CALN1: variants seen among roughly 807,000 people sequenced by gnomAD.
CALN1 encodes calneuron 1, also known as calcium-binding protein 8.
CALN1 carries 17 observed loss-of-function variants against 30.6 expected under a neutral mutation model. That is an observed-to-expected ratio of 0.56 (90% confidence interval 0.38 to 0.83). The LOEUF (loss-of-function observed/expected upper bound fraction) is 0.83. CALN1 is among the 40% of genes least tolerant of loss of function. The pLI is 0.00. For synonymous variants in CALN1, 156 were observed against 131.4 expected, an observed-to-expected ratio of 1.19 and a Z score of -1.28; for missense variants, 291 against 354.9, an observed-to-expected ratio of 0.82 and a Z score of 1.45.
intron 2 of CALN1, among the ~76,000 whole-genome samples, chr7:72,391,507 G>A (rs1196624353): frequency 6.6e-6 from 1 of 152,080 alleles, no homozygotes; most frequent in East Asian, 1.9e-4. Context: ...TTTAAAATAT[G>A]GCCCCTGATA....
intron 5 of CALN1, among the ~76,000 whole-genome samples, chr7:71,878,524 C>T (rs916218880): frequency 2.0e-5 from 3 of 152,124 alleles, no homozygotes; most frequent in African/African-American, 7.2e-5. Flanking sequence ...GAGGGAACAT[C>T]AGACCAGACC....
At chr7:71,879,917 G>A (rs545707592) in intron 5 of CALN1, among the ~76,000 whole-genome samples, 3 of 152,250 alleles carry the variant, frequency 2.0e-5, no homozygotes, top group Admixed American at 6.5e-5. Context: ...CAAAATATTT[G>A]GAGTATATCC....
rs891814609 is a variant in CALN1, at chr7:72,345,558, A to G, written c.119+57693T>C. Among the ~76,000 whole-genome samples the G allele has an allele frequency of 6.7e-5, 8 of 119,692 alleles. No individual in the cohort carries two copies. In the East Asian group the frequency reaches 1.7e-3, roughly 26 times the overall value. 78.5% of individuals were successfully genotyped at this position (119,692 alleles called of 152,430 possible). On this transcript the variant is annotated intron_variant, in intron 2 of 6. Transcript: ENST00000395275. Reference sequence around the variant, plus strand: ...GAGGGAAGGAGGAAGGAAAGAAGAAAGGGAGGGAGGGAGGGAAGGGAAGGA... The same window carrying G: ...GAGGGAAGGAGGAAGGAAAGAAGAAGGGGAGGGAGGGAGGGAAGGGAAGGA...
At chr7:72,188,264 T>C (rs920530213) in intron 3 of CALN1, among the ~76,000 whole-genome samples, 4 of 152,170 alleles carry the variant, frequency 2.6e-5, no homozygotes, top group Non-Finnish European at 4.4e-5. Flanking sequence ...AACTGAGATA[T>C]ATATACATGT....
intron 3 of CALN1, among the ~76,000 whole-genome samples, chr7:72,243,586 G>T (rs1206438035): frequency 6.6e-6 from 1 of 152,090 alleles, no homozygotes; most frequent in Non-Finnish European, 1.5e-5. Context: ...ACATGAACCA[G>T]CGCTCCCCAC....
chr7:72,325,072 G>T (rs184332771), intron 2 of CALN1, among the ~76,000 whole-genome samples: 1 of 152,098 alleles, frequency 6.6e-6, no homozygotes, highest in African/African-American at 2.4e-5. Context: ...GGCCAAGGCA[G>T]GAGAATTGCT....
At chr7:71,908,605 A>T (rs1337040163) in intron 5 of CALN1, among the ~76,000 whole-genome samples, 1 of 152,208 alleles carries the variant, frequency 6.6e-6, no homozygotes, top group Non-Finnish European at 1.5e-5. Flanking sequence ...CACCAAAAAA[A>T]ATAAACACAA....
intron 3 of CALN1, among the ~76,000 whole-genome samples, chr7:72,225,457 C>T (rs1374317863): frequency 1.3e-5 from 2 of 152,008 alleles, no homozygotes; most frequent in African/African-American, 2.4e-5. Context: ...CAGGGCTTTC[C>T]GCCGTGTTGG....
At position 71,786,653 on chromosome 7, in the gene CALN1, A is replaced by T. The variant is rs186964982; in HGVS notation, c.*1122T>A. 4.5e-4 allele frequency: 68 copies of T among 152,294 alleles called. No individual in the cohort carries two copies. Among genetic ancestry groups the T allele is most frequent in the African/African-American group, 1.6e-3 (66 of 41,570 alleles). 9.4% of individuals were successfully genotyped at this position (152,294 alleles called of 1,614,324 possible). A position where few individuals can be genotyped will look rare whatever the true frequency, so the allele number is the denominator to read the frequency against. Reference sequence around the variant, plus strand: ...AGTCGTTTGATCTCTCCATCTTTCCATTTTGGATTGCATTTCTCTTTTTAG... The same window carrying T: ...AGTCGTTTGATCTCTCCATCTTTCCTTTTTGGATTGCATTTCTCTTTTTAG... On this transcript the variant is annotated 3_prime_UTR_variant, in exon 7 of 7. Transcript: ENST00000395275.
At chr7:72,181,246 AAC>A (rs1789785432) in intron 3 of CALN1, among the ~76,000 whole-genome samples, 1 of 148,456 alleles carries the variant, frequency 6.7e-6, no homozygotes, top group Non-Finnish European at 1.5e-5. Flanking sequence ...ATATATTATA[AAC>A]ATATAGTTTT....
upstream of CALN1, chr7:72,447,083 G>C (rs928518339): frequency 2.5e-5 from 4 of 158,254 alleles, no homozygotes; most frequent in Admixed American, 1.3e-4. Flanking sequence ...ATCCATGGCT[G>C]GGAGTTAAGG....
upstream of CALN1, among the ~76,000 whole-genome samples, chr7:72,413,812 G>T (rs1334194578): frequency 4.0e-5 from 6 of 151,034 alleles, no homozygotes; most frequent in Non-Finnish European, 8.8e-5. Context: ...TCCCACTTAT[G>T]CATTCACATG....
chr7:72,011,354 T>TG (rs1800071661), intron 5 of CALN1, among the ~76,000 whole-genome samples: 1 of 152,036 alleles, frequency 6.6e-6, no homozygotes, highest in South Asian at 2.1e-4. Context: ...GAGAGTCAGG[T>TG]GGCTGTAGCC....
chr7:72,411,287 GAACAT>G (rs1391457590), intron 1 of CALN1, among the ~76,000 whole-genome samples: 2 of 152,060 alleles, frequency 1.3e-5, no homozygotes, highest in Non-Finnish European at 2.9e-5. Context: ...AGTTACTTTA[GAACAT>G]AATATTTTGA....
intron 3 of CALN1, among the ~76,000 whole-genome samples, chr7:72,150,233 A>G (rs981491388): frequency 2.6e-5 from 4 of 152,168 alleles, no homozygotes; most frequent in African/African-American, 7.2e-5. Context: ...ATGGAGCCCA[A>G]GTTCCAATTT....
chr7:71,924,435 TA>T (rs148071268), intron 5 of CALN1, among the ~76,000 whole-genome samples: 27,187 of 151,826 alleles, frequency 0.18, 2,716 homozygotes, highest in Non-Finnish European at 0.23. Context: ...AATGTTTATA[TA>T]TTACTTTCAA....
At chr7:72,336,684 G>A (rs918718483) in intron 2 of CALN1, 61 of 985,452 alleles carry the variant, frequency 6.2e-5, no homozygotes, top group East Asian at 1.1e-4. Flanking sequence ...GTAAGCTAGG[G>A]AGCCGGCGGC....
chr7:72,313,944 T>C (rs997674976), intron 2 of CALN1, among the ~76,000 whole-genome samples: 3 of 152,154 alleles, frequency 2.0e-5, no homozygotes, highest in African/African-American at 7.2e-5. Flanking sequence ...TCTGTGCCTA[T>C]TGTGGGTCTA....
chr7:72,046,413 T>A (rs1006930423), intron 4 of CALN1, among the ~76,000 whole-genome samples: 2 of 151,990 alleles, frequency 1.3e-5, no homozygotes, highest in East Asian at 2.0e-4. Flanking sequence ...ATTCATTTTT[T>A]AATTTTTTTG....
Sources: allele counts gnomAD v4.1 joint callset (sites outside exome capture counted in the v4.1 genomes callset), GRCh38; gene constraint gnomAD v4.1.1; transcripts MANE v1.5; gene names NCBI Gene and HGNC (gene_info 2026-07-23, HGNC 2026-07-21).